Variants in ZFP64 observed in about 807,000 individuals in gnomAD.
ZFP64 encodes zinc finger protein 64.
ZFP64 carries 14 observed loss-of-function variants against 51.6 expected under a neutral mutation model. That is an observed-to-expected ratio of 0.27 (90% confidence interval 0.18 to 0.42). ZFP64 has a LOEUF of 0.42. Among genes scored for constraint, ZFP64 ranks in the 10% least tolerant of loss-of-function variants. The pLI is 1.00. For missense variants in ZFP64, 754 were observed against 906.8 expected, an observed-to-expected ratio of 0.83 and a Z score of 2.16; for synonymous variants, 375 against 361.4, an observed-to-expected ratio of 1.04 and a Z score of -0.43.
chr20:52,097,506 G>A, intron 6 of ZFP64: 1 of 1,430,986 alleles, frequency 7.0e-7, no homozygotes, highest in Non-Finnish European at 9.5e-7. Flanking sequence ...CCAGGCTGGA[G>A]TGCAGTGGCT....
At chr20:52,105,786 A>C (rs1273528272) in intron 5 of ZFP64, 1 of 151,992 alleles carries the variant, frequency 6.6e-6, no homozygotes, top group Non-Finnish European at 1.5e-5. Flanking sequence ...TGCGCTGCAC[A>C]GGCTGCGCTT....
intron 4 of ZFP64, among the ~76,000 whole-genome samples, chr20:52,163,032 G>C (rs777813883): frequency 1.3e-5 from 2 of 152,158 alleles, no homozygotes; most frequent in Non-Finnish European, 2.9e-5. Flanking sequence ...GCCCTCACTT[G>C]TACTTTTACA....
exon 9 of ZFP64, chr20:52,084,647 G>A (rs1271370496): frequency 6.2e-7 from 1 of 1,614,166 alleles, no homozygotes; most frequent in Non-Finnish European, 8.5e-7. Flanking sequence ...TTTCCGGTGG[G>A]AAGGTGACCA....
Position 52,151,831 on chromosome 20 carries a change from C to T in ZFP64, c.*315G>A, listed in dbSNP as rs1035126702. 19 of 1,052,926 alleles carry T rather than the reference C, an allele frequency of 1.8e-5. No individual in the cohort carries two copies. The highest frequency in any genetic ancestry group is 3.5e-6 in the Non-Finnish European group (3 of 850,156). 65.2% of individuals were successfully genotyped at this position (1,052,926 alleles called of 1,614,324 possible). A position where few individuals can be genotyped will look rare whatever the true frequency, so the allele number is the denominator to read the frequency against. Reference sequence around the variant, plus strand: ...CTTTGGGAGGCTGAGGTGGGCAGATCACTTGAGGTCAGGAGTTCAACATGA... The same window carrying T: ...CTTTGGGAGGCTGAGGTGGGCAGATTACTTGAGGTCAGGAGTTCAACATGA... On this transcript the variant is annotated 3_prime_UTR_variant, in exon 6 of 6. Coordinates refer to ENST00000216923, the MANE Select transcript of ZFP64 (RefSeq NM_018197.3).
Position 52,125,969 on chromosome 20 carries a change from C to T in ZFP64, c.764-27382G>A, listed in dbSNP as rs148167964. On this transcript the variant is annotated intron_variant, in intron 5 of 8. Coordinates refer to the ZFP64 transcript ENST00000361387. ...CCATCTTGGCTCACTGCAACCTCCG[C>T]GCCCTGGGTTCAAGTGATTCTCCTG... Among the ~76,000 whole-genome samples the T allele has an allele frequency of 9.6e-3, 1,462 of 152,136 alleles. 23 individuals are homozygous for T. The highest frequency in any genetic ancestry group is 0.032 in the African/African-American group (1,340 of 41,490).
At position 52,131,938 on chromosome 20, in the gene ZFP64, G is replaced by A. The variant is rs1478828077; in HGVS notation, c.763+28185C>T. On this transcript the variant is annotated intron_variant, in intron 5 of 8. Coordinates refer to the ZFP64 transcript ENST00000361387. Reference sequence around the variant, plus strand: ...ATACACATTCTTTTCCTCAGCACATGGATCATTCTCAAGTATAGACCATAT... The same window carrying A: ...ATACACATTCTTTTCCTCAGCACATAGATCATTCTCAAGTATAGACCATAT... Among the ~76,000 whole-genome samples, 8 of 151,952 alleles carry A rather than the reference G, an allele frequency of 5.3e-5. No homozygotes were observed. In the East Asian group the frequency reaches 1.5e-3, roughly 29 times the overall value.
At position 52,139,592 on chromosome 20, in the gene ZFP64, CCA is replaced by C. The variant is rs1401157068; in HGVS notation, c.763+20529_763+20530del. Among the ~76,000 whole-genome samples, 3 of 152,102 alleles carry C rather than the reference CCA, an allele frequency of 2.0e-5. No individual in the cohort carries two copies. In the East Asian group the frequency reaches 5.8e-4, roughly 29 times the overall value. Reference sequence around the variant, plus strand: ...GACCAAACCATTCATACCCCAAACCCCAGTGACATGCAATTTACCCAGGTAAA... The same window carrying C: ...GACCAAACCATTCATACCCCAAACCCGTGACATGCAATTTACCCAGGTAAA... On this transcript the variant is annotated intron_variant, in intron 5 of 8. Transcript: ENST00000361387.
chr20:52,152,820 C>T lies in ZFP64; in HGVS notation c.1372G>A (p.Val458Met). The change falls in exon 6 of 6, where the codon GTG (valine) becomes ATG (methionine). Residue 458 changes from valine (V) to methionine (M), a missense_variant. Around this residue, in one of 3 missense-constraint regions of ZFP64, gnomAD observed 428 missense variants for 472.4 expected, o/e 0.91. Transcript: ENST00000216923. ...TCGATCTGAAACTGGAGAACGGTCA[C>T]GTCCGAGTTCTTACTCTCACTGTAC... ...SEYSESKNSD[V>M]TVLQFQIDPS... 6.2e-7 allele frequency: 1 copy of T among 1,613,560 alleles called. No individual in the cohort carries two copies. Among genetic ancestry groups the T allele is most frequent in the South Asian group, 1.1e-5 (1 of 91,088 alleles).
intron 2 of ZFP64, among the ~76,000 whole-genome samples, chr20:52,179,596 GGCC>G (rs1308471147): frequency 6.6e-6 from 1 of 152,184 alleles, no homozygotes; most frequent in Non-Finnish European, 1.5e-5. Context: ...GGAGCTCACA[GGCC>G]AAACTGAAAC....
chr20:52,100,708 G>T (rs1456395208), intron 5 of ZFP64, among the ~76,000 whole-genome samples: 1 of 152,188 alleles, frequency 6.6e-6, no homozygotes, highest in Admixed American at 6.5e-5. Context: ...AGTGGTGAGG[G>T]CTTCAGTTTT....
chr20:52,144,022 T>C lies in ZFP64; in HGVS notation c.763+16101A>G, dbSNP rs575977939. On this transcript the variant is annotated intron_variant, in intron 5 of 8. Coordinates refer to the ZFP64 transcript ENST00000361387. The stretch of plus-strand genomic sequence containing the variant: ...GCATTCCTGATTGCCTATGTAATCA[T>C]GCATTTGTTAATCCTCCTTTGAGCC... Among the ~76,000 whole-genome samples, 2 of 143,310 alleles carry C rather than the reference T, an allele frequency of 1.4e-5. 1 individual carries two copies. Among genetic ancestry groups the C allele is most frequent in the Non-Finnish European group, 3.1e-5 (2 of 64,414 alleles). 94.0% of individuals were successfully genotyped at this position (143,310 alleles called of 152,430 possible). A position where few individuals can be genotyped will look rare whatever the true frequency, so the allele number is the denominator to read the frequency against.
intron 7 of ZFP64, among the ~76,000 whole-genome samples, chr20:52,092,391 T>C (rs2078937605): frequency 1.3e-5 from 2 of 152,220 alleles, no homozygotes; most frequent in South Asian, 4.1e-4. Flanking sequence ...AAATCATACC[T>C]AGTTGAAAAC....
intron 4 of ZFP64, among the ~76,000 whole-genome samples, chr20:52,161,450 C>CTTTTTTTTTTTTT (rs11469696): frequency 4.3e-5 from 5 of 115,184 alleles, no homozygotes; most frequent in African/African-American, 1.7e-4. Flanking sequence ...TGATTGCTTT[C>CTTTTTTTTTTTTT]TTTTTTTTTT....
Position 52,152,261 on chromosome 20 carries a change from G to C in ZFP64, c.1931C>G (p.Ala644Gly), listed in dbSNP as rs749638360. 2 of 1,614,004 alleles carry C rather than the reference G, an allele frequency of 1.2e-6. No individual in the cohort carries two copies. The highest frequency in any genetic ancestry group is 2.7e-5 in the African/African-American group (2 of 74,896). ...GGAAGAGGAGGAGAAGACCGGTGGCGCTGTGGTGGCCACTGCGATGTTCTG... is the reference window on the plus strand; with the variant it reads ...GGAAGAGGAGGAGAAGACCGGTGGCCCTGTGGTGGCCACTGCGATGTTCTG... ...GGQNIAVATT[A>G]PPVFSSSSQQ... Residue 644 changes from alanine (A) to glycine (G), a missense_variant, in exon 6 of 6, where the codon GCG becomes GGG. By Grantham distance (60) the Ala-to-Gly change is moderately conservative. Around this residue, in one of 3 missense-constraint regions of ZFP64, gnomAD observed 428 missense variants for 472.4 expected, o/e 0.91. Transcript: ENST00000216923.
At chr20:52,099,848 T>C (rs775616880) in intron 5 of ZFP64, among the ~76,000 whole-genome samples, 20 of 152,226 alleles carry the variant, frequency 1.3e-4, no homozygotes, top group Admixed American at 1.2e-3. Flanking sequence ...TCGCTATTTT[T>C]GTTAGCCAAA....
chr20:52,189,680 G>A (rs935075085), intron 1 of ZFP64, among the ~76,000 whole-genome samples: 7 of 151,816 alleles, frequency 4.6e-5, no homozygotes, highest in African/African-American at 2.4e-5. Context: ...CTTCATGTTG[G>A]TCAGGCTGGT....
At position 52,152,613 on chromosome 20, in the gene ZFP64, C is replaced by A. The variant is rs1011115375; in HGVS notation, c.1579G>T (p.Val527Leu). Residue 527 changes from valine (V) to leucine (L), a missense_variant, in exon 6 of 6, where the codon GTG (valine) becomes TTG (leucine). Coordinates refer to ENST00000216923, the MANE Select transcript of ZFP64 (RefSeq NM_018197.3). The part of the protein sequence containing the change: ...AAVNIVPPAL[V>L]AQNPEELPGN... ...GGGAGTTCCTCTGGGTTCTGGGCCA[C>A]CAAGGCAGGCGGGACGATGTTCACT... is the stretch of plus-strand genomic sequence containing the variant. 1.9e-6 allele frequency: 3 copies of A among 1,538,492 alleles called. No homozygotes were observed. Among genetic ancestry groups the A allele is most frequent in the Non-Finnish European group, 2.6e-6 (3 of 1,147,336 alleles).
At chr20:52,093,197 G>A (rs570186369) in intron 7 of ZFP64, among the ~76,000 whole-genome samples, 3 of 152,104 alleles carry the variant, frequency 2.0e-5, no homozygotes, top group African/African-American at 7.2e-5. Flanking sequence ...CTGGAGTGCA[G>A]TGGCACGATT....
intron 5 of ZFP64, among the ~76,000 whole-genome samples, chr20:52,120,604 G>GACAC (rs59164457): frequency 0.036 from 5,427 of 149,666 alleles, 357 homozygotes; most frequent in African/African-American, 0.13. Flanking sequence ...GTGTCATGCT[G>GACAC]AGATAATTCT....
Sources: allele counts gnomAD v4.1 joint callset (sites outside exome capture counted in the v4.1 genomes callset), GRCh38; gene constraint gnomAD v4.1.1; regional missense constraint gnomAD v4.1.1; transcripts MANE v1.5; gene names NCBI Gene and HGNC (gene_info 2026-07-23, HGNC 2026-07-21).